PLXNA4: variants seen among roughly 807,000 people sequenced by gnomAD.
PLXNA4 encodes plexin-A4.
A neutral mutation model predicts 191.8 loss-of-function variants in PLXNA4; 44 were observed. The ratio of observed to expected loss-of-function variants is 0.23; its 90% CI spans 0.18 to 0.29. The LOEUF (loss-of-function observed/expected upper bound fraction) is 0.29, where lower values mean the gene tolerates loss of function less well. Ranked by LOEUF, PLXNA4 falls within the 10% of genes least tolerant of loss-of-function variation. The probability of loss-of-function intolerance (pLI) is 1.00; values close to 1 mark genes in which losing one functional copy is unlikely to be tolerated. For missense variants in PLXNA4, 1,800 were observed against 2,488.8 expected (o/e 0.72, Z 5.89); for synonymous variants, 1,082 against 1,009.5 (o/e 1.07, Z -1.36).
intron 11 of PLXNA4, 114 bp downstream of exon 11, chr7:132,203,209 A>G (rs1584837942): frequency 1.1e-6 from 1 of 913,176 alleles, no homozygotes; most frequent in South Asian, 1.5e-5. Flanking sequence ...AGGGAGAGGG[A>G]CAGCCACTAG....
intron 3 of PLXNA4, among the ~76,000 whole-genome samples, chr7:132,477,440 C>G (rs1463039554): frequency 1.3e-5 from 2 of 152,210 alleles, no homozygotes; most frequent in Non-Finnish European, 2.9e-5. Flanking sequence ...GCTGCCCTTC[C>G]AAGTCTCCCA....
chr7:132,549,915 G>A (rs1170903078), intron 1 of PLXNA4, among the ~76,000 whole-genome samples: 2 of 152,154 alleles, frequency 1.3e-5, no homozygotes, highest in Non-Finnish European at 2.9e-5. Flanking sequence ...GTAGAGAGAG[G>A]TAGAGTTATA....
At chr7:132,297,481 A>G (rs1183288452) in intron 4 of PLXNA4, among the ~76,000 whole-genome samples, 1 of 152,142 alleles carries the variant, frequency 6.6e-6, no homozygotes, top group Non-Finnish European at 1.5e-5. Context: ...TTTGAGAACC[A>G]AGCCCAGGTT....
intron 3 of PLXNA4, among the ~76,000 whole-genome samples, chr7:132,418,246 C>T (rs1466470730): frequency 6.6e-6 from 1 of 152,204 alleles, no homozygotes; most frequent in Non-Finnish European, 1.5e-5. Flanking sequence ...GTTCTCCTCT[C>T]CATCCATCAA....
intron 13 of PLXNA4, among the ~76,000 whole-genome samples, chr7:132,195,482 C>A (rs888074379): frequency 1.3e-5 from 2 of 152,188 alleles, no homozygotes; most frequent in South Asian, 2.1e-4. Context: ...AAGGAAGGAA[C>A]CTGTTGGGTC....
intron 3 of PLXNA4, among the ~76,000 whole-genome samples, chr7:132,359,494 G>C (rs1360114770): frequency 1.3e-5 from 2 of 152,132 alleles, no homozygotes; most frequent in Non-Finnish European, 2.9e-5. Flanking sequence ...TGGGATTACA[G>C]GCATGAGCTA....
chr7:132,527,009 T>C (rs1240117628), intron 1 of PLXNA4, among the ~76,000 whole-genome samples: 1 of 152,206 alleles, frequency 6.6e-6, no homozygotes, highest in African/African-American at 2.4e-5. Context: ...ACTGTCTCTA[T>C]TTATTTCACT....
intron 3 of PLXNA4, chr7:132,484,959 C>A: frequency 6.2e-7 from 1 of 1,614,160 alleles, no homozygotes; most frequent in Non-Finnish European, 8.5e-7. Context: ...GGTGGGTCTC[C>A]CTCCACTCCA....
chr7:132,465,384 G>T (rs926172897), intron 3 of PLXNA4, among the ~76,000 whole-genome samples: 2 of 152,118 alleles, frequency 1.3e-5, no homozygotes, highest in African/African-American at 4.8e-5. Flanking sequence ...TTCCACATAA[G>T]ATTTTATACA....
At chr7:132,192,261 G>T (rs541960440) in intron 14 of PLXNA4, among the ~76,000 whole-genome samples, 1 of 152,218 alleles carries the variant, frequency 6.6e-6, no homozygotes, top group South Asian at 2.1e-4. Flanking sequence ...GCTGTGTTGG[G>T]TCTTATTCAT....
chr7:132,424,992 C>T (rs944743457), intron 3 of PLXNA4, among the ~76,000 whole-genome samples: 10 of 152,156 alleles, frequency 6.6e-5, no homozygotes, highest in African/African-American at 1.9e-4. Flanking sequence ...CTCACTGCCC[C>T]GCCCTACCCC....
At chr7:132,563,219 TTC>T in intron 1 of PLXNA4, among the ~76,000 whole-genome samples, 1 of 99,636 alleles carries the variant, frequency 1.0e-5, no homozygotes. Context: ...CTCCTCCTCC[TTC>T]TCCTCCTCTT....
At chr7:132,134,969 C>T (rs548178770) in intron 30 of PLXNA4, among the ~76,000 whole-genome samples, 5 of 152,274 alleles carry the variant, frequency 3.3e-5, no homozygotes, top group South Asian at 2.1e-4. Flanking sequence ...AGTAATTTAA[C>T]GACATTCCAG....
intron 3 of PLXNA4, among the ~76,000 whole-genome samples, chr7:132,430,804 G>C (rs868422253): frequency 2.0e-5 from 3 of 152,288 alleles, no homozygotes; most frequent in Middle Eastern, 6.8e-3. Flanking sequence ...GTGGCAATGA[G>C]ATTAGGAAAG....
At chr7:132,320,329 G>A (rs1451618940) in intron 3 of PLXNA4, among the ~76,000 whole-genome samples, 1 of 152,170 alleles carries the variant, frequency 6.6e-6, no homozygotes, top group Non-Finnish European at 1.5e-5. Context: ...TCCTTGGCTT[G>A]TGGCAGCATC....
At chr7:132,595,385 C>T (rs895286092) in intron 2 of PLXNA4, among the ~76,000 whole-genome samples, 8 of 152,122 alleles carry the variant, frequency 5.3e-5, no homozygotes, top group African/African-American at 1.9e-4. Context: ...TGGGATGATG[C>T]CTCATGGAGA....
At chr7:132,485,760 C>T (rs981858287) in intron 3 of PLXNA4, among the ~76,000 whole-genome samples, 1 of 152,204 alleles carries the variant, frequency 6.6e-6, no homozygotes, top group African/African-American at 2.4e-5. Context: ...AAGCTCACCA[C>T]AGGAAGAGGC....
At chr7:132,607,081 C>T (rs909831691) in intron 2 of PLXNA4, among the ~76,000 whole-genome samples, 5 of 152,166 alleles carry the variant, frequency 3.3e-5, no homozygotes, top group Non-Finnish European at 7.4e-5. Flanking sequence ...AACATTCAAA[C>T]ATCTGAGGAA....
chr7:132,143,690 A>G (rs141378781), intron 29 of PLXNA4, among the ~76,000 whole-genome samples: 12 of 152,354 alleles, frequency 7.9e-5, no homozygotes, highest in African/African-American at 2.9e-4. Context: ...TAGAAGAGTT[A>G]AACGCATCTT....
Sources: gnomAD v4.1 joint callset for allele counts (sites outside exome capture counted in the v4.1 genomes callset) on GRCh38, gnomAD v4.1.1 for gene constraint, MANE v1.5 for transcripts, NCBI Gene and HGNC (gene_info 2026-07-23, HGNC 2026-07-21) for gene names.